Variants in CATSPERE observed in about 807,000 individuals in gnomAD.
The protein encoded by CATSPERE is cation channel sperm-associated auxiliary subunit epsilon.
Under a neutral mutation model 114.1 loss-of-function variants are expected in CATSPERE, and 93 were observed. The ratio of observed to expected loss-of-function variants is 0.81; its 90% CI spans 0.69 to 0.97. The LOEUF is 0.97. CATSPERE is among the 50% of genes least tolerant of loss of function. The pLI is 0.00. For synonymous variants in CATSPERE, 341 were observed against 384.1 expected, an observed-to-expected ratio of 0.89 and a Z score of 1.31; for missense variants, 1,058 against 1,131.6, an observed-to-expected ratio of 0.93 and a Z score of 0.93.
At chr1:244,451,913 G>A (rs1223486475), upstream of CATSPERE, 7 of 1,293,758 alleles carry the variant, frequency 5.4e-6, no homozygotes, top group Admixed American at 1.2e-4. The surrounding 1 kb of genome is among the most constrained non-coding windows in gnomAD (Gnocchi z 6.6). Flanking sequence ...TGCAGAGGAA[G>A]AAGGAGCCAG....
intron 8 of CATSPERE, among the ~76,000 whole-genome samples, chr1:244,528,059 G>A (rs1229365630): frequency 6.6e-6 from 1 of 152,172 alleles, no homozygotes; most frequent in African/African-American, 2.4e-5. Context: ...CATCAGCCAG[G>A]TGTTACACCC....
Position 244,557,532 on chromosome 1 carries a change from CATATATATATATATATATATATATATAT to C in CATSPERE, c.1030-3112_1030-3085del, listed in dbSNP as rs61291602. On this transcript the variant is annotated intron_variant, in intron 9 of 21. Transcript: ENST00000366534. ...TATATATAATTTTATTTGAAATATT[CATATATATATATATATATATATATATAT>C]ATATATATATATATATATATATAAA... Among the ~76,000 whole-genome samples, 533 of 40,638 alleles carry C rather than the reference CATATATATATATATATATATATATATAT, an allele frequency of 0.013. 51 individuals carry two copies. In the East Asian group the frequency reaches 0.27, roughly 20 times the overall value. 26.7% of individuals were successfully genotyped at this position (40,638 alleles called of 152,430 possible). A position where few individuals can be genotyped will look rare whatever the true frequency, so the allele number is the denominator to read the frequency against.
chr1:244,474,088 A>G (rs1170426071), intron 2 of CATSPERE, among the ~76,000 whole-genome samples: 1 of 151,692 alleles, frequency 6.6e-6, no homozygotes, highest in Non-Finnish European at 1.5e-5. Flanking sequence ...CTGGATTGCA[A>G]TGGCGTGATC....
At position 244,593,824 on chromosome 1, in the gene CATSPERE, A is replaced by T. The variant is rs141337950; in HGVS notation, c.2303+246A>T. 2.2e-3 allele frequency among the ~76,000 whole-genome samples: 336 copies of T among 152,238 alleles called. 1 individual carries two copies. The highest frequency in any genetic ancestry group is 7.7e-3 in the African/African-American group (319 of 41,538). ...AGAGCTGAGAGCCTGCCTGTCAGGG[A>T]AGCCCTTGCTTTATCCCCTCTGAAT... On this transcript the variant is annotated intron_variant, in intron 17 of 21. Coordinates refer to ENST00000366534, the MANE Select transcript of CATSPERE (RefSeq NM_001130957.2).
chr1:244,510,095 T>C (rs1450996793), intron 7 of CATSPERE, among the ~76,000 whole-genome samples: 1 of 152,026 alleles, frequency 6.6e-6, no homozygotes, highest in Admixed American at 6.6e-5. Context: ...ATCTTTATTC[T>C]TTCTTTCTTT....
chr1:244,610,324 G>T lies in CATSPERE; in HGVS notation c.2488G>T (p.Glu830Ter). 6.2e-7 allele frequency: 1 copy of T among 1,602,504 alleles called. No individual in the cohort carries two copies. Among genetic ancestry groups the T allele is most frequent in the Middle Eastern group, 1.7e-4 (1 of 6,036 alleles). ...HLPLEEVWGP[E>*]NYKHCFSYAI... The stretch of plus-strand genomic sequence containing the variant: ...CCCACTAGAAGAAGTCTGGGGACCT[G>T]AGGTAAGAGAAACATTACCTTCCAG... Residue 830 changes from glutamate (E) to a stop codon, truncating the protein, a stop_gained and splice_region_variant, in exon 19 of 22, where the codon GAG becomes TAG. Transcript: ENST00000366534. LOFTEE classifies it high-confidence loss of function.
chr1:244,638,571 A>G (rs6688788), intron 21 of CATSPERE, among the ~76,000 whole-genome samples: 116,162 of 152,052 alleles, frequency 0.76, 44,991 homozygotes, highest in South Asian at 0.89. Context: ...GAACAGTCCA[A>G]AGCCATACAT....
intron 9 of CATSPERE, among the ~76,000 whole-genome samples, chr1:244,558,138 C>CT (rs34664118): frequency 0.83 from 91,103 of 109,192 alleles, 38,944 homozygotes; most frequent in East Asian, 0.95. Context: ...CTCTCTCTCT[C>CT]TTTTTTTTTT....
chr1:244,505,101 T>G (rs192261115), intron 7 of CATSPERE, among the ~76,000 whole-genome samples: 12 of 152,342 alleles, frequency 7.9e-5, no homozygotes, highest in Admixed American at 2.6e-4. Flanking sequence ...TTCAGTCAGC[T>G]CCTGCATCCC....
chr1:244,531,755 A>G (rs534015501), intron 8 of CATSPERE, among the ~76,000 whole-genome samples: 13 of 152,166 alleles, frequency 8.5e-5, no homozygotes, highest in Non-Finnish European at 1.8e-4. Flanking sequence ...AGATTTTTGC[A>G]TTAGTCTTCA....
At chr1:244,534,032 C>G (rs1386738315) in intron 8 of CATSPERE, among the ~76,000 whole-genome samples, 1 of 152,100 alleles carries the variant, frequency 6.6e-6, no homozygotes, top group Non-Finnish European at 1.5e-5. Context: ...ACCAGATTTA[C>G]TATTCTAGGG....
intron 8 of CATSPERE, among the ~76,000 whole-genome samples, chr1:244,527,277 A>G (rs1432654433): frequency 6.6e-6 from 1 of 152,158 alleles, no homozygotes; most frequent in Non-Finnish European, 1.5e-5. Context: ...CCTCCCCTGA[A>G]GCAGCCATTT....
At chr1:244,559,089 G>A (rs567428971) in intron 9 of CATSPERE, among the ~76,000 whole-genome samples, 1 of 152,326 alleles carries the variant, frequency 6.6e-6, no homozygotes, top group African/African-American at 2.4e-5. Flanking sequence ...ACGTGGGAAA[G>A]GGTTTGTGAG....
At position 244,516,095 on chromosome 1, in the gene CATSPERE, G is replaced by C. The variant is rs184202625; in HGVS notation, c.430-2497G>C. On this transcript the variant is annotated intron_variant, in intron 7 of 21. Coordinates refer to ENST00000366534, the MANE Select transcript of CATSPERE (RefSeq NM_001130957.2). ...TGTCACAGCTATTCGGGAGGCTGAGGTTGGGCGATCGCTTGAGCCTGAAAG... is the reference window on the plus strand; with the variant it reads ...TGTCACAGCTATTCGGGAGGCTGAGCTTGGGCGATCGCTTGAGCCTGAAAG... Among the ~76,000 whole-genome samples the C allele has an allele frequency of 2.1e-3, 313 of 151,708 alleles. 4 individuals are homozygous for C. Among genetic ancestry groups the C allele is most frequent in the Middle Eastern group, 3.5e-3 (1 of 286 alleles).
intron 12 of CATSPERE, among the ~76,000 whole-genome samples, chr1:244,583,274 C>A (rs1666509559): frequency 6.6e-6 from 1 of 151,956 alleles, no homozygotes; most frequent in Admixed American, 6.5e-5. Flanking sequence ...ACGTTTTCTT[C>A]TATTATTTTT....
In CATSPERE at chr1:244,575,259, G is replaced by A. The variant is rs1665066679; in HGVS notation, c.1950+2487G>A. 2.6e-5 allele frequency among the ~76,000 whole-genome samples: 4 copies of A among 152,366 alleles called. 1 individual carries two copies. In the South Asian group the frequency reaches 8.3e-4, roughly 32 times the overall value. The stretch of plus-strand genomic sequence containing the variant: ...GGCCCCGGGCTGTTGCTGGCCCAGA[G>A]GCTTGGCAGGTGCCTGCCGTAAGTT... On this transcript the variant is annotated intron_variant, in intron 11 of 21. Coordinates refer to ENST00000366534, the MANE Select transcript of CATSPERE (RefSeq NM_001130957.2). The surrounding 1 kb of genome is among the most constrained non-coding windows in gnomAD (Gnocchi z 4.5).
upstream of CATSPERE, among the ~76,000 whole-genome samples, chr1:244,452,496 T>A (rs1220929727): frequency 1.3e-5 from 2 of 152,022 alleles, no homozygotes; most frequent in African/African-American, 4.8e-5. Flanking sequence ...AAAGACAAAA[T>A]TCAAAAGTAA....
chr1:244,494,942 A>G (rs193061493), intron 6 of CATSPERE, among the ~76,000 whole-genome samples: 2 of 152,220 alleles, frequency 1.3e-5, no homozygotes, highest in African/African-American at 4.8e-5. Flanking sequence ...GCAAATAATA[A>G]TATTATCAGT....
chr1:244,456,992 G>GT (rs139949890), upstream of CATSPERE, among the ~76,000 whole-genome samples: 52 of 152,324 alleles, frequency 3.4e-4, no homozygotes, highest in African/African-American at 1.2e-3. Flanking sequence ...TAAAGGGAAT[G>GT]TAATTTTGTC....
Sources: allele counts gnomAD v4.1 joint callset (sites outside exome capture counted in the v4.1 genomes callset), GRCh38; gene constraint gnomAD v4.1.1; non-coding constraint Gnocchi (gnomAD v3.1); transcripts MANE v1.5; gene names NCBI Gene and HGNC (gene_info 2026-07-23, HGNC 2026-07-21).